Variants in HNRNPL observed in about 807,000 individuals in gnomAD.
The protein encoded by HNRNPL is epididymis secretory sperm binding protein.
A neutral mutation model predicts 64.0 loss-of-function variants in HNRNPL; 12 were observed. The observed-to-expected ratio is 0.19, with a 90% CI of 0.12 to 0.30. The LOEUF (loss-of-function observed/expected upper bound fraction) is 0.30. Ranked by LOEUF, HNRNPL falls within the 10% of genes least tolerant of loss-of-function variation. HNRNPL has a pLI of 1.00. For missense variants in HNRNPL, 484 were observed against 797.4 expected, an observed-to-expected ratio of 0.61 and a Z score of 4.73; for synonymous variants, 385 against 313.0, an observed-to-expected ratio of 1.23 and a Z score of -2.43.
At chr19:38,839,093 A>G (rs756619213) in intron 8 of HNRNPL, 78 bp from the exon 9 acceptor site, 63 of 1,570,854 alleles carry the variant, frequency 4.0e-5, no homozygotes, top group Admixed American at 8.4e-5. Context: ...AGTTAGTGAT[A>G]ATAACCCCTG....
In HNRNPL at chr19:38,838,378, G is replaced by A. The variant is rs201122914; in HGVS notation, c.1557+19C>T. The A allele has an allele frequency of 1.9e-4, 296 of 1,596,266 alleles. No homozygotes were observed. The highest frequency in any genetic ancestry group is 1.6e-3 in the South Asian group (145 of 90,480). ...CCGTGGCAAGGACCCGACTGCCTGCGCAGCTCCACGGCACACACCTCAAAG... is the reference window on the plus strand; with the variant it reads ...CCGTGGCAAGGACCCGACTGCCTGCACAGCTCCACGGCACACACCTCAAAG... On this transcript the variant is annotated intron_variant, in intron 10 of 12. Transcript: ENST00000221419.
upstream of HNRNPL, among the ~76,000 whole-genome samples, chr19:38,851,883 G>A (rs1972511976): frequency 6.6e-6 from 1 of 152,148 alleles, no homozygotes; most frequent in Non-Finnish European, 1.5e-5. Context: ...CCGGACACCA[G>A]GAAGATCCGA....
chr19:38,843,072 G>A (rs1972168163), intron 6 of HNRNPL, among the ~76,000 whole-genome samples: 2 of 149,378 alleles, frequency 1.3e-5, no homozygotes, highest in African/African-American at 2.4e-5. Context: ...GCCTAGGAAT[G>A]GGGGGCTCTG....
At chr19:38,837,042 G>A in intron 12 of HNRNPL, 2 of 537,240 alleles carry the variant, frequency 3.7e-6, no homozygotes, top group Non-Finnish European at 6.6e-6. Flanking sequence ...GCAACTGGGT[G>A]GGCAAGTTTT....
chr19:38,840,177 G>A lies in HNRNPL; in HGVS notation c.1152C>T (p.Leu384=), dbSNP rs201816728. 1.1e-5 allele frequency: 15 copies of A among 1,411,546 alleles called. No homozygotes were observed. In the East Asian group the frequency reaches 2.5e-4, roughly 24 times the overall value. The allele number at this position is 1,411,546 out of a possible 1,614,324, so 87.4% of individuals were successfully genotyped here. A position where few individuals can be genotyped will look rare whatever the true frequency, so the allele number is the denominator to read the frequency against. The change falls in exon 8 of 13, where the codon CTC becomes CTT. Residue 384 remains leucine (L), a synonymous_variant. Transcript: ENST00000221419. The part of the protein sequence containing the change: ...EYGPHADSPV[L]MVYGLDQSKM... ...TAGATTGATCCAAGCCATAGACCAT[G>A]AGCACAGGGCTGTCGGCGTGAGGGC...
At position 38,843,973 on chromosome 19, in the gene HNRNPL, C is replaced by G. The variant is rs771038536; in HGVS notation, c.807+35G>C. On this transcript the variant is annotated intron_variant, in intron 5 of 12. Transcript: ENST00000221419. ...AGCCATGCCCCAGCTCACCTGGAAG[C>G]TGACAAGGGGCAGTCAGTCACCTCC... The G allele has an allele frequency of 5.6e-6, 9 of 1,606,096 alleles. No homozygotes were observed. In the South Asian group the frequency reaches 7.7e-5, roughly 14 times the overall value.
At chr19:38,848,913 C>T (rs1284568636) in intron 1 of HNRNPL, among the ~76,000 whole-genome samples, 1 of 152,196 alleles carries the variant, frequency 6.6e-6, no homozygotes, top group Non-Finnish European at 1.5e-5. Flanking sequence ...AAATAGGCGG[C>T]CCTGTAAGAC....
chr19:38,841,394 C>T (rs879518155), intron 6 of HNRNPL: 17 of 357,206 alleles, frequency 4.8e-5, no homozygotes, highest in Non-Finnish European at 9.3e-5. Flanking sequence ...AGTTAAAAGA[C>T]ACTTTGGCCC....
At chr19:38,840,865 TG>T in intron 6 of HNRNPL, 1 of 413,400 alleles carries the variant, frequency 2.4e-6, no homozygotes, top group East Asian at 4.9e-5. Flanking sequence ...CCAGGCCCTC[TG>T]GGGAATGTGC....
At chr19:38,844,705 G>A (rs1009718382) in intron 4 of HNRNPL, 1 of 133,536 alleles carries the variant, frequency 7.5e-6, no homozygotes, top group African/African-American at 2.6e-5. Flanking sequence ...CTTCACACAT[G>A]CCCCACCTTT....
chr19:38,849,556 A>C (rs1435894749), intron 1 of HNRNPL, 144 bp downstream of exon 1: 45 of 1,143,096 alleles, frequency 3.9e-5, no homozygotes, highest in Non-Finnish European at 4.9e-5. Flanking sequence ...CCGTTTGCCC[A>C]ACGGCCGCCC....
At chr19:38,839,384 T>C in intron 8 of HNRNPL, 1 of 237,134 alleles carries the variant, frequency 4.2e-6, no homozygotes, top group East Asian at 1.1e-4. Flanking sequence ...TTCAGCTGGG[T>C]TACAACAGAG....
chr19:38,837,789 A>C (rs1473275483), intron 10 of HNRNPL, 138 bp from the exon 11 acceptor site: 1 of 687,662 alleles, frequency 1.5e-6, no homozygotes, highest in Non-Finnish European at 2.5e-6. Context: ...ACATACCCTA[A>C]GGCATCCCTG....
At chr19:38,849,652 T>C (rs748458025) in intron 1 of HNRNPL, 48 bp downstream of exon 1, 11 of 1,301,976 alleles carry the variant, frequency 8.4e-6, no homozygotes, top group South Asian at 2.4e-5. Context: ...AGCTGGGAAA[T>C]TGTCCCCCAG....
At chr19:38,847,938 C>T (rs922606676) in intron 1 of HNRNPL, among the ~76,000 whole-genome samples, 2 of 152,186 alleles carry the variant, frequency 1.3e-5, no homozygotes, top group Non-Finnish European at 2.9e-5. Flanking sequence ...ACCACTCACA[C>T]CCAGGTTCAG....
chr19:38,843,533 G>C, intron 6 of HNRNPL: 1 of 391,800 alleles, frequency 2.6e-6, no homozygotes, highest in African/African-American at 2.0e-5. Context: ...ACTCTCAAAG[G>C]AGCCACTGCT....
chr19:38,849,768 C>T lies in HNRNPL; in HGVS notation c.199G>A (p.Gly67Ser), dbSNP rs758676242. The T allele has an allele frequency of 2.7e-5, 38 of 1,423,664 alleles. No individual in the cohort carries two copies. The highest frequency in any genetic ancestry group is 5.1e-5 in the Admixed American group (2 of 39,458). 88.2% of individuals were successfully genotyped at this position (1,423,664 alleles called of 1,614,324 possible). Reference protein sequence around the residue: ...APKRLKTDNAGDQHGGGGGGG... With the variant: ...APKRLKTDNASDQHGGGGGGG... The stretch of plus-strand genomic sequence containing the variant: ...CCGCCGCCGCCTCCGTGCTGGTCGC[C>T]GGCGTTGTCAGTCTTGAGCCGCTTA... The change falls in exon 1 of 13, where the codon GGC (glycine) becomes AGC (serine). Residue 67 changes from glycine (G) to serine (S), a missense_variant. Coordinates refer to ENST00000221419, the MANE Select transcript of HNRNPL (RefSeq NM_001533.3).
chr19:38,839,088 G>C, intron 8 of HNRNPL, 73 bp from the exon 9 acceptor site: 1 of 1,585,312 alleles, frequency 6.3e-7, no homozygotes, highest in Non-Finnish European at 8.6e-7. Context: ...TCCCAAGTTA[G>C]TGATAATAAC....
chr19:38,837,855 G>A (rs1433345445), intron 10 of HNRNPL, among the ~76,000 whole-genome samples: 1 of 152,248 alleles, frequency 6.6e-6, no homozygotes, highest in Non-Finnish European at 1.5e-5. Flanking sequence ...CTGAGACTGG[G>A]AAGCTGCTTT....
Sources: gnomAD v4.1 joint callset for allele counts (sites outside exome capture counted in the v4.1 genomes callset) on GRCh38, gnomAD v4.1.1 for gene constraint, MANE v1.5 for transcripts, NCBI Gene and HGNC (gene_info 2026-07-23, HGNC 2026-07-21) for gene names.